The following PDE1C variants were observed in gnomAD, a reference collection of about 807,000 sequenced individuals.
PDE1C encodes the protein phosphodiesterase 1C, also known as dual specificity calcium/calmodulin-dependent 3',5'-cyclic nucleotide phosphodiesterase 1C.
A neutral mutation model predicts 93.1 loss-of-function variants in PDE1C; 62 were observed. That is an observed-to-expected ratio of 0.67 (90% CI 0.54 to 0.82). The LOEUF (loss-of-function observed/expected upper bound fraction) is 0.82, where lower values mean the gene tolerates loss of function less well. PDE1C is among the 40% of genes least tolerant of loss of function. The pLI, the probability that PDE1C is intolerant of heterozygous loss-of-function variation, is 0.00. For synonymous variants in PDE1C, 325 were observed against 310.1 expected (o/e 1.05, Z -0.50); for missense variants, 742 against 884.6 (o/e 0.84, Z 2.04).
At chr7:32,208,302 A>T (rs1277449389) in intron 2 of PDE1C, among the ~76,000 whole-genome samples, 1 of 152,186 alleles carries the variant, frequency 6.6e-6, no homozygotes, top group Non-Finnish European at 1.5e-5. Flanking sequence ...TTACTATGGC[A>T]CTGTCCACAC....
Position 31,841,227 on chromosome 7 carries a change from C to A in PDE1C, c.981-3256G>T, listed in dbSNP as rs62455977. Among the ~76,000 whole-genome samples, 874 of 142,256 alleles carry A rather than the reference C, an allele frequency of 6.1e-3. 5 individuals are homozygous for A. The highest frequency in any genetic ancestry group is 9.0e-3 in the Non-Finnish European group (596 of 66,206). The allele number at this position is 142,256 out of a possible 152,430, so 93.3% of individuals were successfully genotyped here. A position where few individuals can be genotyped will look rare whatever the true frequency, so the allele number is the denominator to read the frequency against. Reference sequence around the variant, plus strand: ...TCTCTCTGTCTCTCTCTCTCTCTCTCTATATATATATATATATGTATATGT... The same window carrying A: ...TCTCTCTGTCTCTCTCTCTCTCTCTATATATATATATATATATGTATATGT... On this transcript the variant is annotated intron_variant, in intron 9 of 17. Coordinates refer to ENST00000396191, the MANE Select transcript of PDE1C (RefSeq NM_001191057.4).
At chr7:32,321,818 C>G (rs992572867) in intron 1 of PDE1C, among the ~76,000 whole-genome samples, 1 of 152,266 alleles carries the variant, frequency 6.6e-6, no homozygotes, top group East Asian at 1.9e-4. Context: ...TTCTACAAAC[C>G]CTAGAAGTTC....
intron 1 of PDE1C, among the ~76,000 whole-genome samples, chr7:32,406,985 A>G (rs1785065064): frequency 6.6e-6 from 1 of 152,294 alleles, no homozygotes; most frequent in South Asian, 2.1e-4. Context: ...AAGTTAAAAA[A>G]CAAAAACAGG....
At chr7:32,196,230 C>A (rs534416472) in intron 2 of PDE1C, among the ~76,000 whole-genome samples, 1 of 152,282 alleles carries the variant, frequency 6.6e-6, no homozygotes, top group Admixed American at 6.5e-5. Context: ...CCAGGTTTCC[C>A]AGCAAGCCTT....
intron 1 of PDE1C, among the ~76,000 whole-genome samples, chr7:32,218,885 T>A (rs1482719001): frequency 1.3e-5 from 2 of 152,224 alleles, no homozygotes; most frequent in Non-Finnish European, 2.9e-5. Context: ...ATCTGTTTAG[T>A]CTCCCTCCCA....
intron 3 of PDE1C, among the ~76,000 whole-genome samples, chr7:32,153,905 T>C (rs1801412473): frequency 6.6e-6 from 1 of 152,150 alleles, no homozygotes; most frequent in African/African-American, 2.4e-5. Context: ...AACACACACA[T>C]CAAAAGGTTG....
chr7:32,077,850 T>C lies in PDE1C; in HGVS notation c.308+91935A>G, dbSNP rs564131521. On this transcript the variant is annotated intron_variant, in intron 3 of 18. Coordinates refer to the PDE1C transcript ENST00000396193. ...TCCCAAAATGCTGGGATTACAGGCATACTTTATTATTATTATTACCTCCAG... is the reference window on the plus strand; with the variant it reads ...TCCCAAAATGCTGGGATTACAGGCACACTTTATTATTATTATTACCTCCAG... The C allele has an allele frequency of 2.8e-4, 273 of 984,780 alleles. No individual in the cohort carries two copies. In the Middle Eastern group the frequency reaches 6.3e-3, roughly 23 times the overall value. 61.0% of individuals were successfully genotyped at this position (984,780 alleles called of 1,614,324 possible).
At chr7:31,882,602 A>G (rs1471571803) in intron 2 of PDE1C, among the ~76,000 whole-genome samples, 2 of 152,188 alleles carry the variant, frequency 1.3e-5, no homozygotes, top group Non-Finnish European at 2.9e-5. Context: ...AGTCTCAAAA[A>G]TGAAAGTAAA....
chr7:31,670,746 A>G, the PDE1C span, among the ~76,000 whole-genome samples: 1 of 152,134 alleles, frequency 6.6e-6, no homozygotes, highest in African/African-American at 2.4e-5. Context: ...ACCGCAGCCC[A>G]AAGTGAGAAC....
chr7:31,650,877 C>T, the PDE1C span, among the ~76,000 whole-genome samples: 1 of 152,308 alleles, frequency 6.6e-6, no homozygotes, highest in Non-Finnish European at 1.5e-5. Context: ...CCTAGGCCTC[C>T]AGACTGCCTT....
chr7:32,113,248 T>TATATAC (rs1251601137), intron 3 of PDE1C, among the ~76,000 whole-genome samples: 6 of 138,124 alleles, frequency 4.3e-5, no homozygotes, highest in Admixed American at 4.3e-4. Context: ...TATATATATA[T>TATATAC]ATATATATAT....
chr7:32,398,547 C>G (rs1784883073), intron 1 of PDE1C, among the ~76,000 whole-genome samples: 1 of 151,784 alleles, frequency 6.6e-6, no homozygotes, highest in African/African-American at 2.4e-5. Flanking sequence ...TGCCACCAAA[C>G]CCAGCTGATA....
intron 16 of PDE1C, among the ~76,000 whole-genome samples, chr7:31,794,046 A>G (rs371010503): frequency 0.019 from 1,973 of 104,520 alleles, 22 homozygotes; most frequent in African/African-American, 0.039. Context: ...ATAGATAGAC[A>G]GACAGACAGA....
intron 16 of PDE1C, among the ~76,000 whole-genome samples, chr7:31,805,477 T>G (rs1289559559): frequency 6.6e-6 from 1 of 151,880 alleles, no homozygotes; most frequent in Non-Finnish European, 1.5e-5. Flanking sequence ...TCCTCTTCTC[T>G]CCAGTATTTT....
the PDE1C span, among the ~76,000 whole-genome samples, chr7:31,635,125 A>G: frequency 6.6e-6 from 1 of 152,256 alleles, no homozygotes; most frequent in South Asian, 2.1e-4. Flanking sequence ...GTACATTTGT[A>G]TTTGTCTGTT....
At chr7:32,058,563 T>G (rs764056453) in intron 1 of PDE1C, among the ~76,000 whole-genome samples, 46 of 152,358 alleles carry the variant, frequency 3.0e-4, no homozygotes, top group African/African-American at 1.1e-3. Context: ...AAACTTCTAA[T>G]GGATCTCTTA....
At chr7:32,240,462 T>C (rs1291108335) in intron 1 of PDE1C, among the ~76,000 whole-genome samples, 1 of 152,172 alleles carries the variant, frequency 6.6e-6, no homozygotes, top group Non-Finnish European at 1.5e-5. Flanking sequence ...CAGATGGTGT[T>C]GTTTACTATG....
In PDE1C at chr7:32,425,238, A is replaced by G. The variant is rs554251897; in HGVS notation, c.310+2584T>C. 5.9e-5 allele frequency among the ~76,000 whole-genome samples: 9 copies of G among 152,296 alleles called. No homozygotes were observed. The South Asian group carries it at 1.0e-3, about 18-fold the overall frequency. ...TCCACACAATATCTGGAGAAGTTCA[A>G]TCTAGTCCAGTAAAAGGCTACCTAG... On this transcript the variant is annotated intron_variant, in intron 1 of 1. Transcript: ENST00000672256.
chr7:31,838,466 T>C (rs1791396355), intron 9 of PDE1C, among the ~76,000 whole-genome samples: 1 of 152,176 alleles, frequency 6.6e-6, no homozygotes, highest in Non-Finnish European at 1.5e-5. Context: ...TTTCTTATTT[T>C]TAAAGTCTTG....
Sources: gnomAD v4.1 joint callset for allele counts (sites outside exome capture counted in the v4.1 genomes callset) on GRCh38, gnomAD v4.1.1 for gene constraint, MANE v1.5 for transcripts, NCBI Gene and HGNC (gene_info 2026-07-23, HGNC 2026-07-21) for gene names.